CCDC154: variants seen among roughly 807,000 people sequenced by gnomAD.
CCDC154 encodes coiled-coil domain containing 154, also known as coiled-coil domain-containing protein 154.
Under a neutral mutation model 87.5 loss-of-function variants are expected in CCDC154, and 91 were observed. That is an observed-to-expected ratio of 1.04 (90% CI 0.88 to 1.24). The LOEUF is 1.24. Ranked by LOEUF, CCDC154 falls within the 50% of genes most tolerant of loss-of-function variation. CCDC154 has a pLI of 0.00. For missense variants in CCDC154, 903 were observed against 879.2 expected, an observed-to-expected ratio of 1.03 and a Z score of -0.34; for synonymous variants, 418 against 400.4, an observed-to-expected ratio of 1.04 and a Z score of -0.52.
At position 1,436,461 on chromosome 16, in the gene CCDC154, C is replaced by T. The variant is rs35583599; in HGVS notation, c.1471G>A (p.Ala491Thr). The T allele has an allele frequency of 0.12, 182,232 of 1,548,220 alleles. 11,871 individuals carry two copies. Among genetic ancestry groups the T allele is most frequent in the Non-Finnish European group, 0.14 (155,636 of 1,146,562 alleles). The change falls in exon 13 of 17, where the codon GCC becomes ACC. Residue 491 changes from alanine (A) to threonine (T), a missense_variant. Coordinates refer to ENST00000389176, the MANE Select transcript of CCDC154 (RefSeq NM_001143980.3). ...HKSDSDLRIS[A>T]EGKAREFKVG... ...AGGCTGTACCTGGCCTTGCCTTCGG[C>T]GGAAATCCTGAGGTCTGAGTCGCTC...
At chr16:1,436,301 AGCCCGGTGCTGG>A (rs2038501234) in intron 13 of CCDC154, 132 bp downstream of exon 13, 3 of 858,338 alleles carry the variant, frequency 3.5e-6, no homozygotes, top group Non-Finnish European at 5.4e-6. Context: ...TGGCAGGGTG[AGCCCGGTGCTGG>A]GCCAGGCCCG....
chr16:1,443,894 C>G lies in CCDC154; in HGVS notation c.126G>C (p.Leu42=), dbSNP rs1045611374. ...GGLASPEPLS[L]EELSERYESS... ...ACTCATACCTCTCCGAGAGCTCCTC[C>G]AGGCTCAAGGGCTCGGGGCTGGCCA... Residue 42 remains leucine, a synonymous_variant, in exon 2 of 17, where the codon CTG becomes CTC. Transcript: ENST00000389176. 58 of 1,304,074 alleles carry G rather than the reference C, an allele frequency of 4.4e-5. No homozygotes were observed. The highest frequency in any genetic ancestry group is 1.8e-4 in the Admixed American group (8 of 43,558). The allele number at this position is 1,304,074 out of a possible 1,614,324, so 80.8% of individuals were successfully genotyped here. A position where few individuals can be genotyped will look rare whatever the true frequency, so the allele number is the denominator to read the frequency against.
chr16:1,438,592 C>G, intron 9 of CCDC154, 27 bp downstream of exon 9: 9 of 1,538,642 alleles, frequency 5.8e-6, no homozygotes, highest in Non-Finnish European at 7.9e-6. Flanking sequence ...CCCCGCCTGA[C>G]AGCACCTGAG....
rs2038561198 is a variant in CCDC154, at chr16:1,442,524, G to T, written c.557C>A (p.Ala186Asp). The change falls in exon 6 of 17, where the codon GCC becomes GAC. Residue 186 changes from alanine to aspartate, a missense_variant. By Grantham distance (126) the Ala-to-Asp change is moderately radical. Coordinates refer to ENST00000389176, the MANE Select transcript of CCDC154 (RefSeq NM_001143980.3). The part of the protein sequence containing the change: ...GAEQEAGLRL[A>D]KLTDLLQQEE... ...CTGCTGCAGCAAGTCGGTCAGCTTGGCCAGTCTAGAGAAGTCGGCTGTGGT... is the reference window on the plus strand; with the variant it reads ...CTGCTGCAGCAAGTCGGTCAGCTTGTCCAGTCTAGAGAAGTCGGCTGTGGT... 6.5e-7 allele frequency: 1 copy of T among 1,543,994 alleles called. No individual in the cohort carries two copies. Among genetic ancestry groups the T allele is most frequent in the Non-Finnish European group, 8.7e-7 (1 of 1,143,838 alleles).
chr16:1,440,541 A>C (rs888950221), intron 6 of CCDC154, among the ~76,000 whole-genome samples: 2 of 152,036 alleles, frequency 1.3e-5, no homozygotes, highest in African/African-American at 4.8e-5. Flanking sequence ...AGAAAGGAAA[A>C]GAGAAAAGAA....
intron 16 of CCDC154, 37 bp from the exon 17 acceptor site, chr16:1,434,571 G>GGCCCCCCTCCTCCCCTGGGCCCCCCCCC: frequency 1.4e-6 from 1 of 719,974 alleles, no homozygotes; most frequent in East Asian, 5.0e-5. Context: ...CTGCACCCCC[G>GGCCCCCCTCCTCCCCTGGGCCCCCCCCC]CCCCACCCCC....
At chr16:1,444,146 G>A (rs2038587948) in intron 1 of CCDC154, 134 bp from the exon 2 acceptor site, 2 of 1,005,240 alleles carry the variant, frequency 2.0e-6, no homozygotes, top group African/African-American at 3.4e-5. Context: ...GGTCACACAG[G>A]ATCCAGACGG....
intron 6 of CCDC154, chr16:1,439,418 G>T: frequency 6.6e-6 from 3 of 451,890 alleles, no homozygotes; most frequent in Non-Finnish European, 1.2e-5. Context: ...AGGCCCCCCA[G>T]CCGCCACCAG....
chr16:1,443,720 T>C lies in CCDC154; in HGVS notation c.225-25A>G, dbSNP rs1001339537. The C allele has an allele frequency of 2.3e-6, 3 of 1,300,474 alleles. No homozygotes were observed. In the African/African-American group the frequency reaches 4.5e-5, roughly 20 times the overall value. The allele number at this position is 1,300,474 out of a possible 1,614,324, so 80.6% of individuals were successfully genotyped here. ...CCTGGCCGGGGCGAGAGTGGGCGAG[T>C]CTGGCGGTGCCCGCCGTGGAGGCGG... On this transcript the variant is annotated intron_variant, in intron 2 of 16. Coordinates refer to ENST00000389176, the MANE Select transcript of CCDC154 (RefSeq NM_001143980.3).
chr16:1,442,501 G>A lies in CCDC154; in HGVS notation c.580C>T (p.Gln194Ter), dbSNP rs1305339039. ...RLAKLTDLLQ[Q>*]EEQGREVACG... ...GCCACCTCCCGGCCCTGCTCCTCCT[G>A]CTGCAGCAAGTCGGTCAGCTTGGCC... The change falls in exon 6 of 17, where the codon CAG becomes TAG. Residue 194 changes from glutamine (Q) to a stop codon, truncating the protein, a stop_gained. Coordinates refer to ENST00000389176, the MANE Select transcript of CCDC154 (RefSeq NM_001143980.3). LOFTEE classifies it high-confidence loss of function. The A allele has an allele frequency of 6.5e-7, 1 of 1,548,326 alleles. No homozygotes were observed. Among genetic ancestry groups the A allele is most frequent in the Admixed American group, 2.0e-5 (1 of 50,624 alleles).
At chr16:1,435,624 C>T (rs767636390) in intron 14 of CCDC154, among the ~76,000 whole-genome samples, 5 of 152,326 alleles carry the variant, frequency 3.3e-5, no homozygotes, top group Admixed American at 6.5e-5. Flanking sequence ...CTTCCAGGTT[C>T]GAGTGATTCT....
In CCDC154 at chr16:1,437,829, G is replaced by A. The variant is rs1024640632; in HGVS notation, c.1278C>T (p.Leu426=). ...CTGCCTGGCGCACCTCGGACAGCCTGAGGCCCAGCATCTGCTCCTGCAGAT... is the reference window on the plus strand; with the variant it reads ...CTGCCTGGCGCACCTCGGACAGCCTAAGGCCCAGCATCTGCTCCTGCAGAT... ...RLDLQEQMLG[L]RLSEAKTEWE... Residue 426 remains leucine, a synonymous_variant, in exon 11 of 17, where the codon CTC becomes CTT. Coordinates refer to ENST00000389176, the MANE Select transcript of CCDC154 (RefSeq NM_001143980.3). The A allele has an allele frequency of 9.1e-6, 14 of 1,535,474 alleles. No homozygotes were observed. The highest frequency in any genetic ancestry group is 1.9e-4 in the Middle Eastern group (1 of 5,398).
In CCDC154 at chr16:1,436,535, C is replaced by A. The variant is rs763994634; in HGVS notation, c.1411-14G>T. 25 of 1,548,138 alleles carry A rather than the reference C, an allele frequency of 1.6e-5. No homozygotes were observed. The highest frequency in any genetic ancestry group is 2.0e-5 in the Non-Finnish European group (23 of 1,146,828). Reference sequence around the variant, plus strand: ...GACACTCTCTATCTGAACACAGAGCCGGGAGCGGCGGGCAGCCCCAGGGCG... The same window carrying A: ...GACACTCTCTATCTGAACACAGAGCAGGGAGCGGCGGGCAGCCCCAGGGCG... On this transcript the variant is annotated splice_polypyrimidine_tract_variant and intron_variant, in intron 12 of 16. Coordinates refer to ENST00000389176, the MANE Select transcript of CCDC154 (RefSeq NM_001143980.3).
At position 1,442,540 on chromosome 16, in the gene CCDC154, C is replaced by T. The variant is rs142240600; in HGVS notation, c.552-11G>A. 7.9e-6 allele frequency: 12 copies of T among 1,526,982 alleles called. No individual in the cohort carries two copies. The highest frequency in any genetic ancestry group is 6.2e-5 in the South Asian group (5 of 80,392). The allele number at this position is 1,526,982 out of a possible 1,614,324, so 94.6% of individuals were successfully genotyped here. A position where few individuals can be genotyped will look rare whatever the true frequency, so the allele number is the denominator to read the frequency against. On this transcript the variant is annotated splice_polypyrimidine_tract_variant and intron_variant, in intron 5 of 16. Coordinates refer to ENST00000389176, the MANE Select transcript of CCDC154 (RefSeq NM_001143980.3). The stretch of plus-strand genomic sequence containing the variant: ...GTCAGCTTGGCCAGTCTAGAGAAGT[C>T]GGCTGTGGTCACACCAGCCCAGCTG...
intron 12 of CCDC154, 39 bp from the exon 13 acceptor site, chr16:1,436,560 G>A (rs928730244): frequency 4.8e-5 from 74 of 1,546,024 alleles, no homozygotes; most frequent in South Asian, 3.0e-4. Context: ...GCCCCAGGGC[G>A]CCATCTAGGA....
intron 9 of CCDC154, 116 bp downstream of exon 9, chr16:1,438,503 A>C: frequency 1.0e-6 from 1 of 994,892 alleles, no homozygotes; most frequent in South Asian, 1.6e-5. Flanking sequence ...GGGGTCGAGC[A>C]CTCTGCTCGG....
chr16:1,434,548 CGGCACATGGCCCCTGCACCCCCG>C lies in CCDC154; in HGVS notation c.1878-37_1878-15del. 1 of 1,538,736 alleles carries C rather than the reference CGGCACATGGCCCCTGCACCCCCG, an allele frequency of 6.5e-7. No homozygotes were observed. The highest frequency in any genetic ancestry group is 8.8e-7 in the Non-Finnish European group (1 of 1,142,338). On this transcript the variant is annotated splice_polypyrimidine_tract_variant and intron_variant, in intron 16 of 16. Coordinates refer to ENST00000389176, the MANE Select transcript of CCDC154 (RefSeq NM_001143980.3). ...CAGCGCAGCCACCTGTCCAGAGATG[CGGCACATGGCCCCTGCACCCCCG>C]CCCCACCCCCCATGGCCCACCTGCT...
intron 9 of CCDC154, 165 bp from the exon 10 acceptor site, chr16:1,438,341 GC>G: frequency 1.1e-6 from 1 of 914,970 alleles, no homozygotes; most frequent in Non-Finnish European, 1.6e-6. Context: ...ACTCCCCATG[GC>G]CACCAAGATG....
At position 1,443,638 on chromosome 16, in the gene CCDC154, C is replaced by T; in HGVS notation, c.282G>A (p.Glu94=). 7.4e-7 allele frequency: 1 copy of T among 1,359,752 alleles called. No individual in the cohort carries two copies. The highest frequency in any genetic ancestry group is 1.3e-5 in the South Asian group (1 of 76,500). 84.2% of individuals were successfully genotyped at this position (1,359,752 alleles called of 1,614,324 possible). A position where few individuals can be genotyped will look rare whatever the true frequency, so the allele number is the denominator to read the frequency against. ...CCCGCAGCAGGCTCCGCGTGGCGCG[C>T]TCACAGCGCTGCTTGTGCTCCCGCA... The part of the protein sequence containing the change: ...ACLREHKQRC[E]RATRSLLREL... The change falls in exon 3 of 17, where the codon GAG becomes GAA. Residue 94 remains glutamate, a synonymous_variant. Coordinates refer to ENST00000389176, the MANE Select transcript of CCDC154 (RefSeq NM_001143980.3).
Sources: allele counts gnomAD v4.1 joint callset (sites outside exome capture counted in the v4.1 genomes callset), GRCh38; gene constraint gnomAD v4.1.1; transcripts MANE v1.5; gene names NCBI Gene and HGNC (gene_info 2026-07-23, HGNC 2026-07-21).